The following TRPC6 variants were observed in gnomAD, a reference collection of about 807,000 sequenced individuals.
TRPC6 encodes the protein short transient receptor potential channel 6.
In TRPC6, 55 loss-of-function variants were observed where a neutral mutation model predicts 90.7. The observed-to-expected ratio is 0.61, with a 90% CI of 0.49 to 0.76. The LOEUF (loss-of-function observed/expected upper bound fraction) is 0.76. TRPC6 is among the 30% of genes least tolerant of loss of function. The probability of loss-of-function intolerance (pLI) is 0.00; values close to 1 mark genes in which losing one functional copy is unlikely to be tolerated. For synonymous variants in TRPC6, 393 were observed against 393.0 expected (o/e 1.00, Z 0.00); for missense variants, 989 against 1,122.7 (o/e 0.88, Z 1.70).
chr11:101,570,438 A>G (rs1406533015), intron 1 of TRPC6, among the ~76,000 whole-genome samples: 3 of 152,370 alleles, frequency 2.0e-5, no homozygotes, highest in African/African-American at 7.2e-5. Flanking sequence ...AAATTCTACC[A>G]GAAGTACAAA....
At chr11:101,575,935 T>G (rs1186279343) in intron 1 of TRPC6, among the ~76,000 whole-genome samples, 7 of 151,852 alleles carry the variant, frequency 4.6e-5, no homozygotes. Flanking sequence ...TGGGGGTGAG[T>G]GCGCTTTTGA....
chr11:101,549,238 C>T (rs1481534605), intron 1 of TRPC6, among the ~76,000 whole-genome samples: 3 of 151,856 alleles, frequency 2.0e-5, no homozygotes, highest in African/African-American at 2.4e-5. Context: ...CCTAGAAATA[C>T]ATCTAACTTA....
In TRPC6 at chr11:101,489,054, A is replaced by G; in HGVS notation, c.1176T>C (p.Tyr392=). The part of the protein sequence containing the change: ...NCQQQLLSIW[Y]ENLSGLRQQT... ...GCTGTCGTAAACCAGAAAGATTCTC[A>G]TACCAAATGGAGAGAAGTTGCTGTT... is the stretch of plus-strand genomic sequence containing the variant. The change falls in exon 4 of 13, where the codon TAT becomes TAC. Residue 392 remains tyrosine, a synonymous_variant. Transcript: ENST00000344327. The G allele has an allele frequency of 6.2e-7, 1 of 1,610,874 alleles. No homozygotes were observed. Among genetic ancestry groups the G allele is most frequent in the South Asian group, 1.1e-5 (1 of 91,038 alleles).
chr11:101,513,150 C>A (rs1050189500), intron 1 of TRPC6, among the ~76,000 whole-genome samples: 6 of 152,284 alleles, frequency 3.9e-5, no homozygotes, highest in Middle Eastern at 3.4e-3. Context: ...TGACAGCCCA[C>A]CATCAAGGAG....
intron 4 of TRPC6, among the ~76,000 whole-genome samples, chr11:101,486,954 T>A (rs1859691879): frequency 1.3e-5 from 2 of 152,138 alleles, no homozygotes; most frequent in South Asian, 4.1e-4. Context: ...AAAAAATACC[T>A]TGACAATGTC....
At chr11:101,560,145 T>A (rs12796974) in intron 1 of TRPC6, among the ~76,000 whole-genome samples, 11,192 of 152,290 alleles carry the variant, frequency 0.073, 564 homozygotes, top group Non-Finnish European at 0.11. Context: ...CAATTTCCAA[T>A]TAGAATTTCA....
intron 4 of TRPC6, among the ~76,000 whole-genome samples, chr11:101,488,642 G>A (rs189418882): frequency 2.4e-4 from 37 of 152,202 alleles, no homozygotes; most frequent in Middle Eastern, 3.4e-3. Context: ...AAGAGTAAAA[G>A]GAAATTAATA....
intron 1 of TRPC6, among the ~76,000 whole-genome samples, chr11:101,511,247 C>A (rs1860386595): frequency 6.6e-6 from 1 of 152,146 alleles, no homozygotes; most frequent in African/African-American, 2.4e-5. Context: ...TTTGCCCTGA[C>A]TACTTAATCT....
At position 101,473,705 on chromosome 11, in the gene TRPC6, A is replaced by C; in HGVS notation, c.1813T>G (p.Leu605Val). ...ATATAAGCTATCCTAGAGAAACTTA[A>C]AACTACAGCAATTGCATAAAGACCT... Reference protein sequence around the residue: ...SEGLYAIAVVLSFSRIAYILP... With the variant: ...SEGLYAIAVVVSFSRIAYILP... Residue 605 changes from leucine (L) to valine (V), a missense_variant, in exon 7 of 13, where the codon TTA becomes GTA. This residue lies in a region of TRPC6 where 118 missense variants were observed against 197.6 expected (regional missense o/e 0.60). Coordinates refer to ENST00000344327, the MANE Select transcript of TRPC6 (RefSeq NM_004621.6). 1.2e-6 allele frequency: 2 copies of C among 1,613,802 alleles called. No individual in the cohort carries two copies. The highest frequency in any genetic ancestry group is 2.7e-5 in the African/African-American group (2 of 75,030).
chr11:101,527,849 G>A (rs532283640), intron 1 of TRPC6, among the ~76,000 whole-genome samples: 63 of 152,166 alleles, frequency 4.1e-4, no homozygotes, highest in African/African-American at 1.4e-3. Flanking sequence ...CAAGGTGGGC[G>A]AATCATGAGG....
chr11:101,503,028 T>G (rs1358204485), intron 2 of TRPC6, among the ~76,000 whole-genome samples: 1 of 152,192 alleles, frequency 6.6e-6, no homozygotes. Flanking sequence ...ATCAAACCTG[T>G]TTCCAACCTG....
rs1860205027 is a variant in TRPC6 at position 101,504,408 on chromosome 11, A to G, written c.561T>C (p.Ala187=). 3 of 1,614,124 alleles carry G rather than the reference A, an allele frequency of 1.9e-6. No homozygotes were observed. The highest frequency in any genetic ancestry group is 1.6e-4 in the Middle Eastern group (1 of 6,062). The change falls in exon 2 of 13, where the codon GCT becomes GCC. Residue 187 remains alanine (A), a synonymous_variant. Transcript: ENST00000344327. The part of the protein sequence containing the change: ...VEAILSHPAF[A]EGKRLATSPS... Reference sequence around the variant, plus strand: ...GGCTGGTTGCTAACCTCTTGCCTTCAGCAAAAGCCGGATGACTGAGAATTG... The same window carrying G: ...GGCTGGTTGCTAACCTCTTGCCTTCGGCAAAAGCCGGATGACTGAGAATTG...
At chr11:101,544,050 C>T (rs6590885) in intron 1 of TRPC6, among the ~76,000 whole-genome samples, 39,540 of 151,852 alleles carry the variant, frequency 0.26, 5,615 homozygotes, top group East Asian at 0.41. Context: ...AAAAACAACC[C>T]CATCAAAAAG....
intron 1 of TRPC6, among the ~76,000 whole-genome samples, chr11:101,528,126 A>G (rs1860824525): frequency 6.6e-6 from 1 of 152,134 alleles, no homozygotes; most frequent in Admixed American, 6.5e-5. Context: ...CATATCTATA[A>G]ACAGATTTAT....
At chr11:101,545,430 A>G (rs554320659) in intron 1 of TRPC6, among the ~76,000 whole-genome samples, 8 of 152,154 alleles carry the variant, frequency 5.3e-5, no homozygotes, top group Non-Finnish European at 1.0e-4. Flanking sequence ...GGAACCCAAA[A>G]CCAATCCCCT....
At chr11:101,527,047 G>T (rs886471351) in intron 1 of TRPC6, among the ~76,000 whole-genome samples, 1 of 151,936 alleles carries the variant, frequency 6.6e-6, no homozygotes, top group Non-Finnish European at 1.5e-5. Flanking sequence ...TTATATAGCT[G>T]CAAGGCTGTG....
intron 1 of TRPC6, among the ~76,000 whole-genome samples, chr11:101,557,870 T>C (rs1357060546): frequency 6.6e-6 from 1 of 152,020 alleles, no homozygotes; most frequent in Non-Finnish European, 1.5e-5. Context: ...TTGAGGAAGA[T>C]ACAAATAAAT....
At chr11:101,518,490 T>A (rs867023284) in intron 1 of TRPC6, among the ~76,000 whole-genome samples, 2 of 152,144 alleles carry the variant, frequency 1.3e-5, no homozygotes, top group Admixed American at 6.6e-5. Flanking sequence ...AATACTACAA[T>A]GAGATGTCAT....
At chr11:101,474,654 C>T (rs999643299) in intron 6 of TRPC6, among the ~76,000 whole-genome samples, 1 of 151,986 alleles carries the variant, frequency 6.6e-6, no homozygotes, top group African/African-American at 2.4e-5. Flanking sequence ...TTAAAATAAA[C>T]ATTAATAATA....
Sources: gnomAD v4.1 joint callset for allele counts (sites outside exome capture counted in the v4.1 genomes callset) on GRCh38, gnomAD v4.1.1 for gene constraint, gnomAD v4.1.1 regional missense constraint, MANE v1.5 for transcripts, NCBI Gene and HGNC (gene_info 2026-07-23, HGNC 2026-07-21) for gene names.